USP31: variants seen among roughly 807,000 people sequenced by gnomAD.
USP31 encodes ubiquitin carboxyl-terminal hydrolase 31.
A neutral mutation model predicts 119.4 loss-of-function variants in USP31; 44 were observed. The ratio of observed to expected loss-of-function variants is 0.37; its 90% CI spans 0.29 to 0.47. The LOEUF (loss-of-function observed/expected upper bound fraction) is 0.47, where lower values mean the gene tolerates loss of function less well. Ranked by LOEUF, USP31 falls within the 20% of genes least tolerant of loss-of-function variation. USP31 has a pLI of 0.99. For missense variants in USP31, 1,643 were observed against 1,730.2 expected (o/e 0.95, Z 0.89); for synonymous variants, 749 against 705.6 (o/e 1.06, Z -0.97).
chr16:23,100,300 G>A (rs1901794732), intron 6 of USP31, among the ~76,000 whole-genome samples: 1 of 152,168 alleles, frequency 6.6e-6, no homozygotes, highest in African/African-American at 2.4e-5. Flanking sequence ...TAAACAAAAT[G>A]TGATCTATTC....
chr16:23,087,413 C>G (rs1305579122), intron 8 of USP31, among the ~76,000 whole-genome samples: 1 of 152,128 alleles, frequency 6.6e-6, no homozygotes, highest in Non-Finnish European at 1.5e-5. Flanking sequence ...TAACACATTG[C>G]CTTTACTAAA....
At chr16:23,103,075 T>C (rs942251320) in intron 5 of USP31, among the ~76,000 whole-genome samples, 1 of 152,210 alleles carries the variant, frequency 6.6e-6, no homozygotes, top group Non-Finnish European at 1.5e-5. Context: ...TGCAGAACTC[T>C]ATGACTCTAA....
At chr16:23,088,076 A>T (rs4694334) in intron 7 of USP31, among the ~76,000 whole-genome samples, 34,927 of 152,154 alleles carry the variant, frequency 0.23, 4,788 homozygotes, top group Admixed American at 0.31. Flanking sequence ...TGGTGCTAGG[A>T]CAGCAGGTGG....
chr16:23,141,382 T>A (rs1355585131), intron 1 of USP31, among the ~76,000 whole-genome samples: 1 of 76,878 alleles, frequency 1.3e-5, no homozygotes, highest in Non-Finnish European at 3.2e-5. Flanking sequence ...TATACAATAA[T>A]TTTTTTTTTT....
At chr16:23,128,248 A>G (rs1472812870) in intron 1 of USP31, among the ~76,000 whole-genome samples, 1 of 152,178 alleles carries the variant, frequency 6.6e-6, no homozygotes, top group Admixed American at 6.5e-5. Context: ...TCTGGAAATG[A>G]CTAATTCCAG....
chr16:23,133,670 T>C (rs563866604), intron 1 of USP31, among the ~76,000 whole-genome samples: 1 of 152,230 alleles, frequency 6.6e-6, no homozygotes, highest in Non-Finnish European at 1.5e-5. Context: ...TTTCCTACTA[T>C]AGCATTTTTA....
At chr16:23,075,419 C>T (rs1900525174) in intron 13 of USP31, among the ~76,000 whole-genome samples, 3 of 152,160 alleles carry the variant, frequency 2.0e-5, no homozygotes. Context: ...GAAACTGAGA[C>T]AGCACAGCAA....
intron 1 of USP31, among the ~76,000 whole-genome samples, chr16:23,145,145 A>G (rs959440113): frequency 6.6e-6 from 1 of 152,124 alleles, no homozygotes; most frequent in African/African-American, 2.4e-5. Flanking sequence ...ATTTCTATTC[A>G]TCTTTCAGAA....
chr16:23,069,679 A>C, intron 15 of USP31, 63 bp from the exon 16 acceptor site: 1 of 1,521,462 alleles, frequency 6.6e-7, no homozygotes, highest in Non-Finnish European at 8.8e-7. Flanking sequence ...CAACACTGTA[A>C]GACACTGAAG....
Position 23,148,874 on chromosome 16 carries a change from G to T in USP31, c.397C>A (p.His133Asn). 1 of 1,481,054 alleles carries T rather than the reference G, an allele frequency of 6.8e-7. No homozygotes were observed. 91.7% of individuals were successfully genotyped at this position (1,481,054 alleles called of 1,614,324 possible). Residue 133 changes from histidine to asparagine, a missense_variant, in exon 1 of 16, where the codon CAC becomes AAC. By Grantham distance (68) the His-to-Asn change is moderately conservative (BLOSUM62 1). Around this residue, in one of 5 missense-constraint regions of USP31, gnomAD observed 302 missense variants for 262.6 expected, o/e 1.15. Coordinates refer to ENST00000219689, the MANE Select transcript of USP31 (RefSeq NM_020718.4). ...PVPGVAGLRN[H>N]GNTCFMNATL... is the part of the protein sequence containing the mutation. ...GCGTTCATGAAGCACGTGTTGCCGTGGTTGCGGAGCCCCGCCACGCCGGGC... is the reference window on the plus strand; with the variant it reads ...GCGTTCATGAAGCACGTGTTGCCGTTGTTGCGGAGCCCCGCCACGCCGGGC...
chr16:23,139,607 G>A (rs1256488139), intron 1 of USP31, among the ~76,000 whole-genome samples: 2 of 151,958 alleles, frequency 1.3e-5, no homozygotes, highest in Non-Finnish European at 2.9e-5. Flanking sequence ...TCCCTCAAAG[G>A]CTTAGTCATG....
intron 1 of USP31, among the ~76,000 whole-genome samples, chr16:23,135,469 A>G (rs951736968): frequency 2.0e-5 from 3 of 152,194 alleles, no homozygotes; most frequent in African/African-American, 7.2e-5. Context: ...AAAATCTGTT[A>G]GCACTAATAA....
intron 1 of USP31, among the ~76,000 whole-genome samples, chr16:23,123,246 G>C (rs1476194534): frequency 6.6e-6 from 1 of 152,108 alleles, no homozygotes; most frequent in East Asian, 1.9e-4. Flanking sequence ...CGTTCAAAAA[G>C]TTGACATTAG....
At chr16:23,085,952 T>G (rs945570144) in intron 9 of USP31, among the ~76,000 whole-genome samples, 2 of 152,218 alleles carry the variant, frequency 1.3e-5, no homozygotes, top group African/African-American at 2.4e-5. Context: ...CACTCTCAGA[T>G]AGTCATTATG....
intron 1 of USP31, among the ~76,000 whole-genome samples, chr16:23,136,665 A>C (rs965804635): frequency 2.0e-5 from 3 of 152,096 alleles, no homozygotes; most frequent in African/African-American, 7.2e-5. Flanking sequence ...AAAAAAAAAA[A>C]AAAACTTTTG....
At chr16:23,102,179 A>T in intron 6 of USP31, 140 bp downstream of exon 6, 1 of 960,716 alleles carries the variant, frequency 1.0e-6, no homozygotes, top group Non-Finnish European at 1.4e-6. Flanking sequence ...TTTTACCATT[A>T]TACCATCATT....
intron 1 of USP31, among the ~76,000 whole-genome samples, chr16:23,134,527 CA>C (rs1903127038): frequency 6.6e-6 from 1 of 152,054 alleles, no homozygotes; most frequent in Non-Finnish European, 1.5e-5. Flanking sequence ...GCAAGTGGTG[CA>C]GCCAGGATTT....
At chr16:23,080,399 A>T (rs533115433) in intron 12 of USP31, among the ~76,000 whole-genome samples, 2 of 152,226 alleles carry the variant, frequency 1.3e-5, no homozygotes, top group South Asian at 4.1e-4. Context: ...GAGGGGGTAA[A>T]TGAGCCTCTC....
chr16:23,100,013 GAGTC>G (rs1185246250), intron 6 of USP31, among the ~76,000 whole-genome samples: 1 of 152,124 alleles, frequency 6.6e-6, no homozygotes, highest in Non-Finnish European at 1.5e-5. Flanking sequence ...TAAAATTAAA[GAGTC>G]AGATAATAAT....
Sources: allele counts gnomAD v4.1 joint callset (sites outside exome capture counted in the v4.1 genomes callset), GRCh38; gene constraint gnomAD v4.1.1; regional missense constraint gnomAD v4.1.1; transcripts MANE v1.5; gene names NCBI Gene and HGNC (gene_info 2026-07-23, HGNC 2026-07-21).